The following ZC3HAV1 variants were observed in gnomAD, a reference collection of about 807,000 sequenced individuals.
The protein encoded by ZC3HAV1 is zinc finger CCCH-type containing, antiviral 1, also known as zinc finger CCCH-type antiviral protein 1.
In ZC3HAV1, 41 loss-of-function variants were observed where a neutral mutation model predicts 86.6. The observed-to-expected ratio is 0.47, with a 90% confidence interval of 0.37 to 0.61. ZC3HAV1 has a LOEUF of 0.61. Ranked by LOEUF, ZC3HAV1 falls within the 20% of genes least tolerant of loss-of-function variation. The pLI is 0.00. For missense variants in ZC3HAV1, 964 were observed against 1,141.1 expected, an observed-to-expected ratio of 0.84 and a Z score of 2.24; for synonymous variants, 421 against 432.1, an observed-to-expected ratio of 0.97 and a Z score of 0.32.
chr7:139,073,485 T>G (rs1816841167), intron 7 of ZC3HAV1, among the ~76,000 whole-genome samples: 1 of 151,996 alleles, frequency 6.6e-6, no homozygotes, highest in Non-Finnish European at 1.5e-5. Context: ...GTGTTCTTTT[T>G]ATTTTATTTA....
At chr7:139,089,565 CTG>C in intron 2 of ZC3HAV1, 57 bp downstream of exon 2, 1 of 1,509,186 alleles carries the variant, frequency 6.6e-7, no homozygotes, top group Non-Finnish European at 8.8e-7. Flanking sequence ...TCCAAAATAT[CTG>C]TGACACAATA....
intron 3 of ZC3HAV1, 149 bp from the exon 4 acceptor site, chr7:139,080,392 C>A: frequency 9.9e-7 from 1 of 1,013,232 alleles, no homozygotes; most frequent in Non-Finnish European, 1.4e-6. Flanking sequence ...GTGTAAAAAT[C>A]TTGAAGATGG....
intron 2 of ZC3HAV1, among the ~76,000 whole-genome samples, chr7:139,085,144 A>C (rs1817238283): frequency 1.3e-5 from 2 of 152,242 alleles, no homozygotes; most frequent in Admixed American, 1.3e-4. Flanking sequence ...CCATATCTAT[A>C]GAGTCTGAAC....
Position 139,061,062 on chromosome 7 carries a change from A to T in ZC3HAV1, c.2070T>A (p.Tyr690Ter). Residue 690 changes from tyrosine to a stop codon, truncating the protein, a stop_gained, in exon 9 of 13, where the codon TAT (tyrosine) becomes TAA (stop). Coordinates refer to ENST00000242351, the MANE Select transcript of ZC3HAV1 (RefSeq NM_020119.4). LOFTEE classifies it high-confidence loss of function. ...CTGGCCCTCTCTTCATCTGCTGCACATACCACTGAGGCACAAATGTTGGTC... is the reference window on the plus strand; with the variant it reads ...CTGGCCCTCTCTTCATCTGCTGCACTTACCACTGAGGCACAAATGTTGGTC... The part of the protein sequence containing the change: ...IRRPTFVPQW[Y>*]VQQMKRGPDH... 1 of 1,613,850 alleles carries T rather than the reference A, an allele frequency of 6.2e-7. No individual in the cohort carries two copies. Among genetic ancestry groups the T allele is most frequent in the African/African-American group, 1.3e-5 (1 of 74,984 alleles).
At position 139,076,492 on chromosome 7, in the gene ZC3HAV1, A is replaced by C. The variant is rs555667939; in HGVS notation, c.1574-83T>G. On this transcript the variant is annotated intron_variant, in intron 5 of 12. Coordinates refer to ENST00000242351, the MANE Select transcript of ZC3HAV1 (RefSeq NM_020119.4). ...GTCAAGTTCACTGCCAGCTTTCCCCATCCATGCCTGCCCTGCCCCCTGCCA... is the reference window on the plus strand; with the variant it reads ...GTCAAGTTCACTGCCAGCTTTCCCCCTCCATGCCTGCCCTGCCCCCTGCCA... The C allele has an allele frequency of 7.0e-6, 11 of 1,569,998 alleles. No individual in the cohort carries two copies. The East Asian group carries it at 2.0e-4, about 29-fold the overall frequency.
At position 139,047,494 on chromosome 7, in the gene ZC3HAV1, G is replaced by A. The variant is rs1815993496; in HGVS notation, c.*100C>T. 3.0e-5 allele frequency: 46 copies of A among 1,526,116 alleles called. 1 individual carries two copies. In the South Asian group the frequency reaches 5.4e-4, roughly 18 times the overall value. The allele number at this position is 1,526,116 out of a possible 1,614,324, so 94.5% of individuals were successfully genotyped here. On this transcript the variant is annotated 3_prime_UTR_variant, in exon 13 of 13. Transcript: ENST00000242351. ...CACTGATCTAAGACATTAGATAACT[G>A]AGCAGGAAAATATAAAACTTTAACT...
chr7:139,060,780 A>C, intron 9 of ZC3HAV1: 1 of 1,343,332 alleles, frequency 7.4e-7, no homozygotes, highest in East Asian at 3.4e-5. Context: ...TGGAGAAGCT[A>C]AAGCCCAGAG....
At chr7:139,101,839 T>G (rs1221573711) in intron 1 of ZC3HAV1, among the ~76,000 whole-genome samples, 1 of 151,880 alleles carries the variant, frequency 6.6e-6, no homozygotes, top group Non-Finnish European at 1.5e-5. Context: ...CACCACTCCC[T>G]AATCTCAAGT....
chr7:139,065,862 C>T (rs1202073329), intron 7 of ZC3HAV1, among the ~76,000 whole-genome samples: 3 of 151,998 alleles, frequency 2.0e-5, no homozygotes, highest in African/African-American at 7.3e-5. Context: ...CAAGATCGTG[C>T]CACTGCAGAG....
intron 1 of ZC3HAV1, among the ~76,000 whole-genome samples, chr7:139,103,198 G>A (rs1298668565): frequency 6.0e-5 from 9 of 149,866 alleles, no homozygotes; most frequent in East Asian, 1.9e-4. Flanking sequence ...GCACCACCAC[G>A]CCCAGCTAAT....
intron 12 of ZC3HAV1, among the ~76,000 whole-genome samples, chr7:139,052,330 G>A (rs894128940): frequency 1.2e-4 from 16 of 130,614 alleles, no homozygotes; most frequent in Non-Finnish European, 1.5e-5. Context: ...TGCAGGCCAG[G>A]CGCAGTGGCT....
chr7:139,047,633 C>T lies in ZC3HAV1; in HGVS notation c.2670G>A (p.Val890=), dbSNP rs778098630. 2.5e-6 allele frequency: 4 copies of T among 1,614,120 alleles called. No homozygotes were observed. The highest frequency in any genetic ancestry group is 2.2e-5 in the East Asian group (1 of 44,884). Residue 890 remains valine, a synonymous_variant, in exon 13 of 13, where the codon GTG becomes GTA. Coordinates refer to ENST00000242351, the MANE Select transcript of ZC3HAV1 (RefSeq NM_020119.4). ...AGGCTTTGTCTTCAGTATATTCAAT[C>T]ACATATTGTGGGTAAACCTGATCTT... ...FQKDQVYPQY[V]IEYTEDKACV...
chr7:139,084,004 C>A lies in ZC3HAV1; in HGVS notation c.473G>T (p.Arg158Leu). The change falls in exon 3 of 13, where the codon CGG (arginine) becomes CTG (leucine). Residue 158 changes from arginine to leucine, a missense_variant. Transcript: ENST00000242351. ...EICKSYKGEG[R>L]QQICNQQPPC... ...TGGCTGCTGGTTACAAATCTGCTGC[C>A]GACCCTCTCCCTTATAACTTTTGCA... 1 of 1,614,022 alleles carries A rather than the reference C, an allele frequency of 6.2e-7. No homozygotes were observed. Among genetic ancestry groups the A allele is most frequent in the Non-Finnish European group, 8.5e-7 (1 of 1,180,018 alleles).
chr7:139,102,639 C>A (rs1817806602), intron 1 of ZC3HAV1, among the ~76,000 whole-genome samples: 1 of 151,764 alleles, frequency 6.6e-6, no homozygotes, highest in South Asian at 2.1e-4. Flanking sequence ...TGCCTGTAAT[C>A]CCAGCAGTTT....
Position 139,053,818 on chromosome 7 carries a change from T to C in ZC3HAV1, c.2318+147A>G, listed in dbSNP as rs116089143. On this transcript the variant is annotated intron_variant, in intron 11 of 12. Coordinates refer to ENST00000242351, the MANE Select transcript of ZC3HAV1 (RefSeq NM_020119.4). The stretch of plus-strand genomic sequence containing the variant: ...AAGGCTGAGAGAGAGAAGCCAGAGT[T>C]GATAGAATGAAAAAAAAAAAAAAAG... The C allele has an allele frequency of 1.1e-3, 1,110 of 1,015,758 alleles. 4 individuals are homozygous for C. The African/African-American group carries it at 0.022, about 20-fold the overall frequency. The allele number at this position is 1,015,758 out of a possible 1,614,324, so 62.9% of individuals were successfully genotyped here.
chr7:139,074,360 T>C, intron 6 of ZC3HAV1, among the ~76,000 whole-genome samples: 1 of 152,364 alleles, frequency 6.6e-6, no homozygotes, highest in East Asian at 1.9e-4. Context: ...TTTAAAATTA[T>C]TTATTATTAT....
At chr7:139,074,657 T>A (rs1366936532) in intron 6 of ZC3HAV1, among the ~76,000 whole-genome samples, 3 of 151,278 alleles carry the variant, frequency 2.0e-5, no homozygotes, top group Non-Finnish European at 4.4e-5. Context: ...TAATTATCCA[T>A]ATAAATATTA....
chr7:139,082,398 G>A (rs1298107754), intron 3 of ZC3HAV1, among the ~76,000 whole-genome samples: 3 of 151,360 alleles, frequency 2.0e-5, no homozygotes, highest in Non-Finnish European at 4.4e-5. Context: ...ACTGCTGGCA[G>A]AAATGAAAAA....
rs1817025284 is a variant in ZC3HAV1 at position 139,078,570 on chromosome 7, T to G, written c.1555A>C (p.Lys519Gln). Reference sequence around the variant, plus strand: ...TACTCACCATTAAGCGGACAACCCTTACACAGATGGTCAAGACAAATTTCC... The same window carrying G: ...TACTCACCATTAAGCGGACAACCCTGACACAGATGGTCAAGACAAATTTCC... ...SEEICLDHLC[K>Q]GCPLNGSCSK... The change falls in exon 5 of 13, where the codon AAG becomes CAG. Residue 519 changes from lysine (K) to glutamine (Q), a missense_variant. Transcript: ENST00000242351. 2 of 1,594,996 alleles carry G rather than the reference T, an allele frequency of 1.3e-6. No individual in the cohort carries two copies. Among genetic ancestry groups the G allele is most frequent in the Middle Eastern group, 1.7e-4 (1 of 6,010 alleles).
Sources: allele counts gnomAD v4.1 joint callset (sites outside exome capture counted in the v4.1 genomes callset), GRCh38; gene constraint gnomAD v4.1.1; transcripts MANE v1.5; gene names NCBI Gene and HGNC (gene_info 2026-07-23, HGNC 2026-07-21).